LMOD1: variants seen among roughly 807,000 people sequenced by gnomAD.
LMOD1 encodes leiomodin 1, also known as leiomodin-1.
LMOD1 carries 8 observed loss-of-function variants against 36.5 expected under a neutral mutation model. The ratio of observed to expected loss-of-function variants is 0.22; its 90% CI spans 0.13 to 0.40. The LOEUF (loss-of-function observed/expected upper bound fraction) is 0.40, where lower values mean the gene tolerates loss of function less well. Ranked by LOEUF, LMOD1 falls within the 10% of genes least tolerant of loss-of-function variation. LMOD1 has a pLI of 1.00. For synonymous variants in LMOD1, 284 were observed against 288.7 expected, an observed-to-expected ratio of 0.98 and a Z score of 0.17; for missense variants, 630 against 751.1, an observed-to-expected ratio of 0.84 and a Z score of 1.88.
chr1:201,916,661 G>GA (rs1418633902), intron 1 of LMOD1, among the ~76,000 whole-genome samples: 1 of 152,196 alleles, frequency 6.6e-6, no homozygotes, highest in Non-Finnish European at 1.5e-5. Context: ...GTGTGGGGAG[G>GA]AGGGATGGAT....
At chr1:201,927,590 A>AAC (rs1386564441) in intron 1 of LMOD1, among the ~76,000 whole-genome samples, 1 of 85,338 alleles carries the variant, frequency 1.2e-5, no homozygotes, top group African/African-American at 3.5e-5. Flanking sequence ...AAAAAAAACA[A>AAC]AAAAAAAAAA....
intron 1 of LMOD1, among the ~76,000 whole-genome samples, chr1:201,901,160 AT>A (rs1225766117): frequency 3.9e-5 from 6 of 152,112 alleles, no homozygotes; most frequent in Non-Finnish European, 7.3e-5. Context: ...TGTCTTTAAA[AT>A]TTTGCATTGG....
At chr1:201,912,506 CA>C (rs1340482208) in intron 1 of LMOD1, among the ~76,000 whole-genome samples, 1 of 152,156 alleles carries the variant, frequency 6.6e-6, no homozygotes, top group African/African-American at 2.4e-5. Context: ...CGATGCCTGG[CA>C]CACAGTATGA....
At position 201,919,885 on chromosome 1, in the gene LMOD1, GCA is replaced by G. The variant is rs558106304; in HGVS notation, c.262-19136_262-19135del. On this transcript the variant is annotated intron_variant, in intron 1 of 2. Transcript: ENST00000367288. ...GGGAGCCACCAATCAGCATCCACCTGCATCACCTTCCAGTCCACATCTCTCCA... is the reference window on the plus strand; with the variant it reads ...GGGAGCCACCAATCAGCATCCACCTGTCACCTTCCAGTCCACATCTCTCCA... Among the ~76,000 whole-genome samples, 505 of 152,040 alleles carry G rather than the reference GCA, an allele frequency of 3.3e-3. 2 individuals carry two copies. The highest frequency in any genetic ancestry group is 4.0e-3 in the Non-Finnish European group (272 of 67,980).
In LMOD1 at chr1:201,946,399, G is replaced by C; in HGVS notation, c.-59C>G. 1 of 1,568,056 alleles carries C rather than the reference G, an allele frequency of 6.4e-7. No homozygotes were observed. The highest frequency in any genetic ancestry group is 8.7e-7 in the Non-Finnish European group (1 of 1,150,452). On this transcript the variant is annotated 5_prime_UTR_variant, in exon 1 of 3. Transcript: ENST00000367288. The stretch of plus-strand genomic sequence containing the variant: ...TCAGAGTCCTGGTGGGCAGGGAAGG[G>C]AGAGGGGTGAGCTGATCTGGATGCA...
chr1:201,930,252 A>G (rs1044160911), intron 1 of LMOD1, among the ~76,000 whole-genome samples: 2 of 152,338 alleles, frequency 1.3e-5, no homozygotes, highest in South Asian at 4.1e-4. Context: ...GGGAAGGTCA[A>G]CTGTGGGGAG....
At chr1:201,906,697 T>C (rs1170092241) in intron 1 of LMOD1, among the ~76,000 whole-genome samples, 1 of 152,128 alleles carries the variant, frequency 6.6e-6, no homozygotes, top group African/African-American at 2.4e-5. Context: ...TTTTATTGTT[T>C]TCCACCAAAA....
intron 1 of LMOD1, among the ~76,000 whole-genome samples, chr1:201,910,517 C>A (rs1250997594): frequency 6.6e-6 from 1 of 152,118 alleles, no homozygotes; most frequent in Admixed American, 6.5e-5. Context: ...CTCCTGTGCT[C>A]AAGCGATTCT....
chr1:201,899,726 A>G lies in LMOD1; in HGVS notation c.1287T>C (p.Cys429=), dbSNP rs536706819. The part of the protein sequence containing the change: ...ELRFHNQRHI[C]GGKTEMEIAK... ...CGATCTCCATCTCCGTCTTGCCTCCACAGATGTGTCGCTGGTTGTGGAAGC... is the reference window on the plus strand; with the variant it reads ...CGATCTCCATCTCCGTCTTGCCTCCGCAGATGTGTCGCTGGTTGTGGAAGC... Residue 429 remains cysteine, a synonymous_variant, in exon 2 of 3, where the codon TGT becomes TGC. Transcript: ENST00000367288. This position sits in a 1 kb window ranked among gnomAD's most constrained non-coding sequence, Gnocchi z 6.3. The G allele has an allele frequency of 1.3e-5, 21 of 1,613,976 alleles. No homozygotes were observed. In the South Asian group the frequency reaches 2.1e-4, roughly 16 times the overall value.
chr1:201,926,284 G>A (rs574579116), intron 1 of LMOD1, among the ~76,000 whole-genome samples: 1 of 152,270 alleles, frequency 6.6e-6, no homozygotes, highest in South Asian at 2.1e-4. Flanking sequence ...AGTGCCCAGT[G>A]AGTCTTTTTT....
rs573905879 is a variant in LMOD1 at position 201,943,009 on chromosome 1, C to G, written c.261+3071G>C. Among the ~76,000 whole-genome samples, 214 of 152,306 alleles carry G rather than the reference C, an allele frequency of 1.4e-3. 1 individual carries two copies. Among genetic ancestry groups the G allele is most frequent in the African/African-American group, 4.8e-3 (199 of 41,566 alleles). ...CTAGTCAGGATTTACTTTCCCTAAT[C>G]CACACTTAGTTTTTCTAGTTATGTT... On this transcript the variant is annotated intron_variant, in intron 1 of 2. Coordinates refer to ENST00000367288, the MANE Select transcript of LMOD1 (RefSeq NM_012134.3).
At chr1:201,925,079 G>T (rs1424518136) in intron 1 of LMOD1, among the ~76,000 whole-genome samples, 1 of 152,146 alleles carries the variant, frequency 6.6e-6, no homozygotes, top group Non-Finnish European at 1.5e-5. Flanking sequence ...AGCCAGCATG[G>T]TGGCGCCCAC....
At chr1:201,930,588 G>T (rs1481584997) in intron 1 of LMOD1, among the ~76,000 whole-genome samples, 2 of 152,136 alleles carry the variant, frequency 1.3e-5, no homozygotes, top group Non-Finnish European at 2.9e-5. Flanking sequence ...TTTATTTGCA[G>T]ACCAGTTGAA....
In LMOD1 at chr1:201,905,594, C is replaced by T. The variant is rs538969531; in HGVS notation, c.262-4843G>A. Reference sequence around the variant, plus strand: ...GGCCAGAGCCTCTGTGTGCTGCATTCGGCAACCACAGCCCACTGATACCTT... The same window carrying T: ...GGCCAGAGCCTCTGTGTGCTGCATTTGGCAACCACAGCCCACTGATACCTT... On this transcript the variant is annotated intron_variant, in intron 1 of 2. Transcript: ENST00000367288. 1.6e-4 allele frequency among the ~76,000 whole-genome samples: 25 copies of T among 152,332 alleles called. No homozygotes were observed. In the South Asian group the frequency reaches 5.0e-3, roughly 30 times the overall value.
intron 1 of LMOD1, among the ~76,000 whole-genome samples, chr1:201,905,645 G>A (rs1681399500): frequency 6.6e-6 from 1 of 152,202 alleles, no homozygotes; most frequent in African/African-American, 2.4e-5. Context: ...CCCCCACTGA[G>A]GTCACCTTCT....
intron 1 of LMOD1, among the ~76,000 whole-genome samples, chr1:201,921,359 G>A (rs1445807860): frequency 6.6e-6 from 1 of 151,560 alleles, no homozygotes; most frequent in Non-Finnish European, 1.5e-5. Context: ...ATGGTGGTGC[G>A]AGCCTGCAGT....
intron 1 of LMOD1, among the ~76,000 whole-genome samples, chr1:201,904,059 G>A (rs903117879): frequency 6.6e-6 from 1 of 152,144 alleles, no homozygotes; most frequent in South Asian, 2.1e-4. Flanking sequence ...AGCATCCCTG[G>A]AGTACTCAAG....
At chr1:201,923,625 G>A (rs762756689) in intron 1 of LMOD1, among the ~76,000 whole-genome samples, 3 of 152,090 alleles carry the variant, frequency 2.0e-5, no homozygotes, top group African/African-American at 4.8e-5. Context: ...CACTTTGAGA[G>A]GCCAACGGGG....
chr1:201,923,948 AGAAAG>A (rs1681753198), intron 1 of LMOD1, among the ~76,000 whole-genome samples: 1 of 151,218 alleles, frequency 6.6e-6, no homozygotes, highest in Non-Finnish European at 1.5e-5. Context: ...AGAAAAGGAA[AGAAAG>A]GAAAGAAAAA....
Sources: allele counts gnomAD v4.1 joint callset (sites outside exome capture counted in the v4.1 genomes callset), GRCh38; gene constraint gnomAD v4.1.1; non-coding constraint Gnocchi (gnomAD v3.1); transcripts MANE v1.5; gene names NCBI Gene and HGNC (gene_info 2026-07-23, HGNC 2026-07-21).